The following IRF2 variants were observed in gnomAD, a reference collection of about 807,000 sequenced individuals.
IRF2 encodes the protein interferon regulatory factor 2.
Under a neutral mutation model 40.6 loss-of-function variants are expected in IRF2, and 15 were observed. That is an observed-to-expected ratio of 0.37 (90% CI 0.25 to 0.57). The LOEUF (loss-of-function observed/expected upper bound fraction) is 0.57, where lower values mean the gene tolerates loss of function less well. Ranked by LOEUF, IRF2 falls within the 20% of genes least tolerant of loss-of-function variation. The probability of loss-of-function intolerance (pLI) is 0.77; values close to 1 mark genes in which losing one functional copy is unlikely to be tolerated. For missense variants in IRF2, 317 were observed against 455.7 expected (o/e 0.70, Z 2.77); for synonymous variants, 151 against 165.5 (o/e 0.91, Z 0.67).
chr4:184,411,305 C>A (rs532981189), intron 5 of IRF2, among the ~76,000 whole-genome samples: 2 of 152,096 alleles, frequency 1.3e-5, no homozygotes, highest in African/African-American at 4.8e-5. Context: ...GTGATCTGCC[C>A]ACCTCGGCCT....
At chr4:184,424,442 AG>A (rs1195633821) in intron 2 of IRF2, among the ~76,000 whole-genome samples, 1 of 152,172 alleles carries the variant, frequency 6.6e-6, no homozygotes, top group Non-Finnish European at 1.5e-5. Flanking sequence ...TTGAGTCATG[AG>A]GGCCCTGCCC....
intron 1 of IRF2, among the ~76,000 whole-genome samples, chr4:184,464,860 CT>C (rs577703520): frequency 5.0e-4 from 75 of 149,602 alleles, no homozygotes; most frequent in Non-Finnish European, 7.3e-4. Flanking sequence ...TTTTCTTCTT[CT>C]TTTTTTTTTC....
intron 5 of IRF2, among the ~76,000 whole-genome samples, chr4:184,409,751 G>A (rs995025485): frequency 9.2e-5 from 14 of 152,058 alleles, no homozygotes; most frequent in Admixed American, 2.6e-4. Context: ...AGCATTAGCC[G>A]GGTGTGGTGG....
At chr4:184,389,903 G>C (rs572006866) in intron 8 of IRF2, among the ~76,000 whole-genome samples, 2 of 152,206 alleles carry the variant, frequency 1.3e-5, no homozygotes, top group African/African-American at 2.4e-5. Context: ...AGAGCTCCAC[G>C]GTGTACAGCA....
chr4:184,446,179 C>T (rs1380214520), intron 1 of IRF2, among the ~76,000 whole-genome samples: 1 of 152,160 alleles, frequency 6.6e-6, no homozygotes, highest in Admixed American at 6.6e-5. Flanking sequence ...CAACTTTTGG[C>T]CTTCAAAACT....
chr4:184,415,078 C>T (rs1005140399), intron 5 of IRF2, among the ~76,000 whole-genome samples: 1 of 152,194 alleles, frequency 6.6e-6, no homozygotes, highest in African/African-American at 2.4e-5. Flanking sequence ...TCTACAGAGA[C>T]ACTGAGTCCA....
intron 3 of IRF2, 115 bp downstream of exon 3, chr4:184,419,352 TCA>T: frequency 2.7e-6 from 2 of 738,096 alleles, no homozygotes; most frequent in Non-Finnish European, 4.8e-6. Flanking sequence ...TAGGGACAAG[TCA>T]CAGGTTTTTC....
At chr4:184,429,167 C>G in intron 1 of IRF2, 97 bp from the exon 2 acceptor site, 32 of 668,014 alleles carry the variant, frequency 4.8e-5, no homozygotes, top group East Asian at 7.7e-5. Context: ...TCCTTCTCTC[C>G]TTTCCTGGGG....
chr4:184,401,782 T>C (rs1249423173), intron 6 of IRF2, among the ~76,000 whole-genome samples: 1 of 152,220 alleles, frequency 6.6e-6, no homozygotes, highest in East Asian at 1.9e-4. Flanking sequence ...CCTTGCATAC[T>C]AAGGCAGTGA....
intron 1 of IRF2, among the ~76,000 whole-genome samples, chr4:184,468,443 C>T (rs1333454365): frequency 3.3e-5 from 5 of 152,032 alleles, no homozygotes; most frequent in South Asian, 2.1e-4. Flanking sequence ...GCCGAGATCA[C>T]ACCACTGCCC....
chr4:184,396,591 C>G (rs1736473335), intron 7 of IRF2, among the ~76,000 whole-genome samples: 1 of 151,958 alleles, frequency 6.6e-6, no homozygotes, highest in East Asian at 1.9e-4. Context: ...CATGCCACCA[C>G]ACCCGGTTAA....
intron 2 of IRF2, among the ~76,000 whole-genome samples, chr4:184,420,469 GA>G (rs555159235): frequency 8.3e-4 from 127 of 152,340 alleles, no homozygotes; most frequent in African/African-American, 3.0e-3. Context: ...TGCAAACAAA[GA>G]GGTAGAGGTT....
Position 184,408,138 on chromosome 4 carries a change from G to C in IRF2, c.529+20C>G. On this transcript the variant is annotated intron_variant, in intron 6 of 8. Coordinates refer to ENST00000393593, the MANE Select transcript of IRF2 (RefSeq NM_002199.4). The surrounding 1 kb of genome is among the most constrained non-coding windows in gnomAD (Gnocchi z 4.9). ...GGGGCTGCTGGTATGTATAAAAAAT[G>C]AGACGTCAAAACAGTTTACCTATGA... The C allele has an allele frequency of 6.9e-7, 1 of 1,448,460 alleles. No homozygotes were observed. 89.7% of individuals were successfully genotyped at this position (1,448,460 alleles called of 1,614,324 possible).
chr4:184,451,543 G>T (rs993866587), intron 1 of IRF2, among the ~76,000 whole-genome samples: 6 of 152,138 alleles, frequency 3.9e-5, no homozygotes, highest in Non-Finnish European at 7.3e-5. Flanking sequence ...GCTGACTCTA[G>T]GTCATCAAAC....
intron 1 of IRF2, among the ~76,000 whole-genome samples, chr4:184,466,997 C>A (rs1040967779): frequency 1.3e-5 from 2 of 152,172 alleles, no homozygotes; most frequent in Non-Finnish European, 2.9e-5. Context: ...ATGACCTAAA[C>A]GTTGTGATGC....
chr4:184,451,065 C>CAAATGGCA (rs568508643), intron 1 of IRF2, among the ~76,000 whole-genome samples: 100 of 152,328 alleles, frequency 6.6e-4, no homozygotes, highest in Middle Eastern at 3.4e-3. Flanking sequence ...AATTTTGAAT[C>CAAATGGCA]AAATGGCAAA....
At chr4:184,457,472 C>G (rs1579110566) in intron 1 of IRF2, among the ~76,000 whole-genome samples, 2 of 152,362 alleles carry the variant, frequency 1.3e-5, no homozygotes, top group East Asian at 3.8e-4. Context: ...CCTTGATTCT[C>G]TAACTTGGGT....
chr4:184,395,330 G>A (rs1309196990), intron 7 of IRF2, among the ~76,000 whole-genome samples: 3 of 140,008 alleles, frequency 2.1e-5, no homozygotes, highest in Non-Finnish European at 4.5e-5. Context: ...GGAGAATGGC[G>A]TGAACCCGGG....
chr4:184,462,722 C>A (rs1446463071), intron 1 of IRF2, among the ~76,000 whole-genome samples: 1 of 152,194 alleles, frequency 6.6e-6, no homozygotes, highest in East Asian at 1.9e-4. Context: ...AAAAACCGAA[C>A]AATTTTTCAC....
Sources: allele counts gnomAD v4.1 joint callset (sites outside exome capture counted in the v4.1 genomes callset), GRCh38; gene constraint gnomAD v4.1.1; non-coding constraint Gnocchi (gnomAD v3.1); transcripts MANE v1.5; gene names NCBI Gene and HGNC (gene_info 2026-07-23, HGNC 2026-07-21).